AMPH: variants seen among roughly 807,000 people sequenced by gnomAD.
AMPH encodes the protein amphiphysin.
Under a neutral mutation model 99.1 loss-of-function variants are expected in AMPH, and 49 were observed. The ratio of observed to expected loss-of-function variants is 0.49; its 90% CI spans 0.39 to 0.63. The LOEUF (loss-of-function observed/expected upper bound fraction) is 0.63, where lower values mean the gene tolerates loss of function less well. Ranked by LOEUF, AMPH falls within the 20% of genes least tolerant of loss-of-function variation. The pLI, the probability that AMPH is intolerant of heterozygous loss-of-function variation, is 0.00. For synonymous variants in AMPH, 314 were observed against 317.3 expected, an observed-to-expected ratio of 0.99 and a Z score of 0.11; for missense variants, 759 against 863.4, an observed-to-expected ratio of 0.88 and a Z score of 1.52.
At chr7:38,432,027 A>G in intron 13 of AMPH, 162 bp downstream of exon 13, 2 of 738,240 alleles carry the variant, frequency 2.7e-6, no homozygotes, top group Non-Finnish European at 5.0e-6. Flanking sequence ...TCCGGTTCTG[A>G]TAATGCTCAA....
chr7:38,477,077 G>C (rs1296636522), intron 5 of AMPH, 108 bp from the exon 6 acceptor site: 1 of 856,724 alleles, frequency 1.2e-6, no homozygotes, highest in African/African-American at 1.7e-5. Flanking sequence ...TGAGGATCTT[G>C]ACTGGAGATC....
At chr7:38,482,270 A>G (rs1240811392) in intron 5 of AMPH, among the ~76,000 whole-genome samples, 1 of 152,132 alleles carries the variant, frequency 6.6e-6, no homozygotes, top group African/African-American at 2.4e-5. Context: ...TGATACATAG[A>G]AAACCTTAAC....
intron 1 of AMPH, among the ~76,000 whole-genome samples, chr7:38,560,741 C>G (rs953328159): frequency 6.6e-6 from 1 of 152,128 alleles, no homozygotes; most frequent in South Asian, 2.1e-4. Flanking sequence ...GAATTGAGTA[C>G]CACTCCTAGG....
chr7:38,610,568 A>G (rs1793649764), intron 1 of AMPH, among the ~76,000 whole-genome samples: 1 of 151,866 alleles, frequency 6.6e-6, no homozygotes, highest in Admixed American at 6.6e-5. Flanking sequence ...AACTTACTAT[A>G]TTCCAGGCAC....
intron 1 of AMPH, among the ~76,000 whole-genome samples, chr7:38,604,300 TTGACTATCCAATGATGGCA>T (rs1793355527): frequency 6.6e-6 from 1 of 152,194 alleles, no homozygotes; most frequent in Admixed American, 6.5e-5. Flanking sequence ...CAGACGAATT[TTGACTATCCAATGATGGCA>T]GGACAGATTG....
chr7:38,618,577 T>C (rs1231439262), intron 1 of AMPH, among the ~76,000 whole-genome samples: 2 of 151,866 alleles, frequency 1.3e-5, no homozygotes, highest in African/African-American at 4.8e-5. Context: ...TATATAAACA[T>C]GTAAGGTGTT....
chr7:38,606,612 G>A (rs370725728), intron 1 of AMPH, among the ~76,000 whole-genome samples: 7 of 119,864 alleles, frequency 5.8e-5, no homozygotes, highest in African/African-American at 9.8e-5. Context: ...TCACTTTGTC[G>A]CCCAGGACAG....
chr7:38,509,560 G>A (rs539591427), intron 2 of AMPH, among the ~76,000 whole-genome samples: 35 of 152,210 alleles, frequency 2.3e-4, no homozygotes, highest in African/African-American at 7.7e-4. Context: ...GTGTTAAACC[G>A]CCATCAAATC....
chr7:38,580,040 A>C (rs1188334706), intron 1 of AMPH, among the ~76,000 whole-genome samples: 1 of 152,220 alleles, frequency 6.6e-6, no homozygotes, highest in East Asian at 1.9e-4. Flanking sequence ...TCGACTTCTG[A>C]TGCTCACATA....
At position 38,608,449 on chromosome 7, in the gene AMPH, T is replaced by A. The variant is rs1793510891; in HGVS notation, c.69+22834A>T. ...CCTCTCTGCCCCCTTCTTCCACCTT[T>A]TTTCACTGGGGAGCTCCCTGTCTTC... On this transcript the variant is annotated intron_variant, in intron 1 of 20. Transcript: ENST00000356264. Among the ~76,000 whole-genome samples the A allele has an allele frequency of 1.3e-5, 2 of 152,280 alleles. 1 individual carries two copies. Among genetic ancestry groups the A allele is most frequent in the South Asian group, 4.1e-4 (2 of 4,822 alleles).
intron 3 of AMPH, among the ~76,000 whole-genome samples, chr7:38,502,339 C>T (rs1779533495): frequency 6.6e-6 from 1 of 152,098 alleles, no homozygotes; most frequent in South Asian, 2.1e-4. Context: ...GCATAGCAGA[C>T]ACACCTGACA....
intron 1 of AMPH, among the ~76,000 whole-genome samples, chr7:38,595,218 G>A (rs1362387273): frequency 1.3e-5 from 2 of 152,194 alleles, no homozygotes; most frequent in Non-Finnish European, 2.9e-5. Context: ...CTTCACTCCT[G>A]TGTGTCTTCC....
intron 17 of AMPH, among the ~76,000 whole-genome samples, chr7:38,407,048 C>CTCTCTCTCTCTCTATATATA (rs1241166935): frequency 6.4e-5 from 2 of 31,268 alleles, no homozygotes; most frequent in Non-Finnish European, 6.1e-5. Flanking sequence ...CTCTCTCTCT[C>CTCTCTCTCTCTCTATATATA]TATATATATA....
intron 2 of AMPH, 45 bp downstream of exon 2, chr7:38,534,886 C>A: frequency 6.5e-7 from 1 of 1,540,450 alleles, no homozygotes; most frequent in East Asian, 2.3e-5. Flanking sequence ...GACACAAACA[C>A]ATTTAAACAA....
chr7:38,587,852 C>T lies in AMPH; in HGVS notation c.69+43431G>A, dbSNP rs116722560. On this transcript the variant is annotated intron_variant, in intron 1 of 20. Transcript: ENST00000356264. ...CTCTAATATTAATCTCCTCTATAAT[C>T]GTGGGTGATCAGCTAGGCTCCACAG... 4.7e-3 allele frequency among the ~76,000 whole-genome samples: 707 copies of T among 151,782 alleles called. 10 individuals carry two copies. Among genetic ancestry groups the T allele is most frequent in the African/African-American group, 0.016 (656 of 41,336 alleles).
At chr7:38,551,836 G>C (rs1359309013) in intron 1 of AMPH, among the ~76,000 whole-genome samples, 2 of 152,192 alleles carry the variant, frequency 1.3e-5, no homozygotes, top group Non-Finnish European at 2.9e-5. Flanking sequence ...AATTGGAAAA[G>C]TAAAGAAATG....
In AMPH at chr7:38,522,959, T is replaced by G. The variant is rs139434739; in HGVS notation, c.150+11972A>C. ...CCCATCTTTACTAAAAATACAAAAA[T>G]TAGCCGGGCGTAGTGGTGGGCGCCT... On this transcript the variant is annotated intron_variant, in intron 2 of 20. Transcript: ENST00000356264. 6.1e-3 allele frequency among the ~76,000 whole-genome samples: 929 copies of G among 151,794 alleles called. 4 individuals are homozygous for G. The highest frequency in any genetic ancestry group is 0.021 in the African/African-American group (869 of 41,378).
At chr7:38,595,598 G>GGTT (rs1793023807) in intron 1 of AMPH, among the ~76,000 whole-genome samples, 1 of 152,062 alleles carries the variant, frequency 6.6e-6, no homozygotes, top group African/African-American at 2.4e-5. Flanking sequence ...TAGATTCAGG[G>GGTT]GTTACATGTA....
At chr7:38,572,416 G>A (rs555343019) in intron 1 of AMPH, among the ~76,000 whole-genome samples, 5 of 152,248 alleles carry the variant, frequency 3.3e-5, no homozygotes, top group African/African-American at 1.2e-4. Context: ...TACAATCCAT[G>A]ATGCTCACAC....
Sources: gnomAD v4.1 joint callset for allele counts (sites outside exome capture counted in the v4.1 genomes callset) on GRCh38, gnomAD v4.1.1 for gene constraint, MANE v1.5 for transcripts, NCBI Gene and HGNC (gene_info 2026-07-23, HGNC 2026-07-21) for gene names.